XKR7: variants seen among roughly 807,000 people sequenced by gnomAD.
The protein encoded by XKR7 is XK-related protein 7.
Under a neutral mutation model 42.2 loss-of-function variants are expected in XKR7, and 11 were observed. The observed-to-expected ratio is 0.26, with a 90% CI of 0.16 to 0.43. The LOEUF (loss-of-function observed/expected upper bound fraction) is 0.43, where lower values mean the gene tolerates loss of function less well. XKR7 is among the 20% of genes least tolerant of loss of function. The pLI is 1.00. For missense variants in XKR7, 710 were observed against 802.2 expected (o/e 0.89, Z 1.39); for synonymous variants, 346 against 366.4 (o/e 0.94, Z 0.64).
Position 31,968,770 on chromosome 20 carries a change from C to A in XKR7, c.584+11C>A, listed in dbSNP as rs1241344579. The A allele has an allele frequency of 1.3e-6, 2 of 1,490,460 alleles. No individual in the cohort carries two copies. The highest frequency in any genetic ancestry group is 1.4e-5 in the African/African-American group (1 of 72,382). 92.3% of individuals were successfully genotyped at this position (1,490,460 alleles called of 1,614,324 possible). On this transcript the variant is annotated intron_variant, in intron 1 of 2. Coordinates refer to ENST00000562532, the MANE Select transcript of XKR7 (RefSeq NM_001011718.2). This position sits in a 1 kb window ranked among gnomAD's most constrained non-coding sequence, Gnocchi z 4.5. Reference sequence around the variant, plus strand: ...CGGCCAGGTCTGGAGGTAGGAGAAGCGCAGGTGGAGGGACCTGAGCCCGAG... The same window carrying A: ...CGGCCAGGTCTGGAGGTAGGAGAAGAGCAGGTGGAGGGACCTGAGCCCGAG...
At position 32,002,879 on chromosome 20, in the gene XKR7, G is replaced by T. The variant is rs1170705441; in HGVS notation, c.*5422G>T. Reference sequence around the variant, plus strand: ...TGGGACCCCACGTTGGGAATCAATGGTTTAGACATCCAGCATCCTATTTTA... The same window carrying T: ...TGGGACCCCACGTTGGGAATCAATGTTTTAGACATCCAGCATCCTATTTTA... On this transcript the variant is annotated 3_prime_UTR_variant, in exon 3 of 3. Coordinates refer to ENST00000562532, the MANE Select transcript of XKR7 (RefSeq NM_001011718.2). 1 of 152,176 alleles carries T rather than the reference G, an allele frequency of 6.6e-6. No individual in the cohort carries two copies. Among genetic ancestry groups the T allele is most frequent in the Admixed American group, 6.5e-5 (1 of 15,276 alleles). The allele number at this position is 152,176 out of a possible 1,614,324, so 9.4% of individuals were successfully genotyped here. A position where few individuals can be genotyped will look rare whatever the true frequency, so the allele number is the denominator to read the frequency against.
chr20:31,969,371 C>G (rs890893841), intron 1 of XKR7, among the ~76,000 whole-genome samples: 1 of 152,200 alleles, frequency 6.6e-6, no homozygotes, highest in Non-Finnish European at 1.5e-5. Flanking sequence ...TAAGGGTCCT[C>G]CCCTTCCAAC....
chr20:31,988,514 T>TTTGAGATGTACACTC (rs2064553388), intron 1 of XKR7, among the ~76,000 whole-genome samples: 1 of 152,130 alleles, frequency 6.6e-6, no homozygotes, highest in Non-Finnish European at 1.5e-5. Context: ...CTTGTACACT[T>TTTGAGATGTACACTC]TTGAGATGTA....
In XKR7 at chr20:31,974,729, G is replaced by A. The variant is rs77122702; in HGVS notation, c.584+5970G>A. Reference sequence around the variant, plus strand: ...CATTTTAACCCAAGTATCTCTGAATGTCTCTTTTATGACATGTCTAAGATT... The same window carrying A: ...CATTTTAACCCAAGTATCTCTGAATATCTCTTTTATGACATGTCTAAGATT... On this transcript the variant is annotated intron_variant, in intron 1 of 2. Transcript: ENST00000562532. 9.2e-5 allele frequency among the ~76,000 whole-genome samples: 14 copies of A among 152,290 alleles called. No individual in the cohort carries two copies. In the East Asian group the frequency reaches 2.7e-3, roughly 29 times the overall value.
At chr20:31,977,882 G>A (rs1447922512) in intron 1 of XKR7, among the ~76,000 whole-genome samples, 2 of 152,208 alleles carry the variant, frequency 1.3e-5, no homozygotes, top group Non-Finnish European at 2.9e-5. Flanking sequence ...AACTTTGGCA[G>A]GGATGCTGTA....
At chr20:31,992,369 A>T (rs1047598132) in intron 1 of XKR7, among the ~76,000 whole-genome samples, 6 of 152,180 alleles carry the variant, frequency 3.9e-5, no homozygotes, top group Non-Finnish European at 2.9e-5. Context: ...AATGGAAGAT[A>T]CAGGGAGACA....
In XKR7 at chr20:31,997,151, G is replaced by T; in HGVS notation, c.1434G>T (p.Arg478Ser). 6.2e-7 allele frequency: 1 copy of T among 1,611,656 alleles called. No individual in the cohort carries two copies. ...CGAGTCCCCCCAGGTCCCTGCCAAG[G>T]ACTACAGGTGCTGAGCGGGATGGGG... is the stretch of plus-strand genomic sequence containing the variant. ...AITSPPRSLP[R>S]TTGAERDGAS... Residue 478 changes from arginine to serine, a missense_variant, in exon 3 of 3, where the codon AGG becomes AGT. Physicochemically the swap from Arg to Ser is moderately radical, Grantham distance 110. This residue lies in a region of XKR7 where 708 missense variants were observed against 786.2 expected (regional missense o/e 0.90). Transcript: ENST00000562532.
chr20:31,977,633 C>G (rs1268309426), intron 1 of XKR7, among the ~76,000 whole-genome samples: 1 of 152,178 alleles, frequency 6.6e-6, no homozygotes, highest in Admixed American at 6.6e-5. Flanking sequence ...GCCCATCCTA[C>G]TTGCTTAGTA....
At position 31,996,517 on chromosome 20, in the gene XKR7, C is replaced by G. The variant is rs1322317637; in HGVS notation, c.800C>G (p.Ser267Cys). The change falls in exon 3 of 3, where the codon TCC becomes TGC. Residue 267 changes from serine (S) to cysteine (C), a missense_variant. Ser to Cys is a moderately radical substitution (Grantham distance 112). Coordinates refer to ENST00000562532, the MANE Select transcript of XKR7 (RefSeq NM_001011718.2). ...CCTGTCTCCACAGCCCTCTCCACCT[C>G]CGCCTCCCTCGTGTCTCTGGCCTGG... ...APDLLPALST[S>C]ASLVSLAWTL... The G allele has an allele frequency of 6.8e-7, 1 of 1,473,088 alleles. No homozygotes were observed. Among genetic ancestry groups the G allele is most frequent in the Admixed American group, 2.5e-5 (1 of 40,710 alleles). The allele number at this position is 1,473,088 out of a possible 1,614,324, so 91.3% of individuals were successfully genotyped here.
At chr20:31,977,014 G>T (rs945387629) in intron 1 of XKR7, among the ~76,000 whole-genome samples, 3 of 152,218 alleles carry the variant, frequency 2.0e-5, no homozygotes, top group Non-Finnish European at 2.9e-5. Flanking sequence ...AGTTGAAGCT[G>T]GCATTTGGCA....
rs548291546 is a variant in XKR7 at position 31,998,807 on chromosome 20, T to A, written c.*1350T>A. ...GCAAATGGGGCTCCCTGGAGCGGCA[T>A]CTGGGAAACTGACTTGTTTTGCCTT... On this transcript the variant is annotated 3_prime_UTR_variant, in exon 3 of 3. Coordinates refer to ENST00000562532, the MANE Select transcript of XKR7 (RefSeq NM_001011718.2). 4 of 152,270 alleles carry A rather than the reference T, an allele frequency of 2.6e-5. No individual in the cohort carries two copies. In the East Asian group the frequency reaches 7.7e-4, roughly 29 times the overall value. 9.4% of individuals were successfully genotyped at this position (152,270 alleles called of 1,614,324 possible).
intron 1 of XKR7, among the ~76,000 whole-genome samples, chr20:31,984,837 G>A (rs80193447): frequency 0.037 from 5,688 of 152,256 alleles, 132 homozygotes; most frequent in African/African-American, 0.061. Context: ...TCCCTGCTCT[G>A]GCTCAGGAGG....
rs1475184978 is a variant in XKR7 at position 32,003,229 on chromosome 20, CT to C, written c.*5773del. 4 of 152,334 alleles carry C rather than the reference CT, an allele frequency of 2.6e-5. No individual in the cohort carries two copies. Among genetic ancestry groups the C allele is most frequent in the Admixed American group, 6.5e-5 (1 of 15,296 alleles). The allele number at this position is 152,334 out of a possible 1,614,324, so 9.4% of individuals were successfully genotyped here. ...TACATCTGTGCCATCCCTCATCCCC[CT>C]GACCCCCATTCACCCTCCGAGCTTC... On this transcript the variant is annotated 3_prime_UTR_variant, in exon 3 of 3. Transcript: ENST00000562532.
chr20:31,995,039 G>C lies in XKR7; in HGVS notation c.585-29G>C. The C allele has an allele frequency of 6.5e-7, 1 of 1,539,608 alleles. No homozygotes were observed. The highest frequency in any genetic ancestry group is 8.7e-7 in the Non-Finnish European group (1 of 1,145,188). On this transcript the variant is annotated intron_variant, in intron 1 of 2. Transcript: ENST00000562532. This position sits in a 1 kb window ranked among gnomAD's most constrained non-coding sequence, Gnocchi z 4.1. ...ACAGAGCGAGAGGAACCAGCGCGCG[G>C]GAGCCTGAGCACCGCGTCCTTCCCG...
At chr20:31,987,313 G>A (rs1296322796) in intron 1 of XKR7, among the ~76,000 whole-genome samples, 6 of 144,664 alleles carry the variant, frequency 4.1e-5, no homozygotes, top group African/African-American at 1.6e-4. Context: ...AACAGATCCA[G>A]TATCCAAGGC....
At chr20:31,972,929 T>C (rs1426650524) in intron 1 of XKR7, among the ~76,000 whole-genome samples, 2 of 152,216 alleles carry the variant, frequency 1.3e-5, no homozygotes, top group Non-Finnish European at 2.9e-5. Context: ...GGCATAACGG[T>C]TGAGAGGGTT....
Position 32,003,362 on chromosome 20 carries a change from A to C in XKR7, c.*5905A>C, listed in dbSNP as rs2064634420. On this transcript the variant is annotated 3_prime_UTR_variant, in exon 3 of 3. Coordinates refer to ENST00000562532, the MANE Select transcript of XKR7 (RefSeq NM_001011718.2). ...ATTTTTAATTTTGCTGCGACATGAG[A>C]TATTAAAAGTCATTTCAGTACGTGC... 6.6e-6 allele frequency: 1 copy of C among 152,228 alleles called. No homozygotes were observed. Among genetic ancestry groups the C allele is most frequent in the East Asian group, 1.9e-4 (1 of 5,174 alleles). 9.4% of individuals were successfully genotyped at this position (152,228 alleles called of 1,614,324 possible).
In XKR7 at chr20:31,968,218, G is replaced by A. The variant is rs1039521820; in HGVS notation, c.43G>A (p.Asp15Asn). The stretch of plus-strand genomic sequence containing the variant: ...TGGAGCGGCGGCCTCGGCCAGCCCG[G>A]ACCCGGAGGGGGCTGCCGGTGGAGC... Reference protein sequence around the residue: ...SDGAAASASPDPEGAAGGARG... With the variant: ...SDGAAASASPNPEGAAGGARG... The change falls in exon 1 of 3, where the codon GAC (aspartate) becomes AAC (asparagine). Residue 15 changes from aspartate (D) to asparagine (N), a missense_variant. By Grantham distance (23) the Asp-to-Asn change is conservative (BLOSUM62 1). Around this residue, in one of 2 missense-constraint regions of XKR7, gnomAD observed 708 missense variants for 786.2 expected, o/e 0.90. Coordinates refer to ENST00000562532, the MANE Select transcript of XKR7 (RefSeq NM_001011718.2). This position sits in a 1 kb window ranked among gnomAD's most constrained non-coding sequence, Gnocchi z 4.5. 8 of 1,163,942 alleles carry A rather than the reference G, an allele frequency of 6.9e-6. No homozygotes were observed. The African/African-American group carries it at 9.7e-5, about 14-fold the overall frequency. 72.1% of individuals were successfully genotyped at this position (1,163,942 alleles called of 1,614,324 possible). A position where few individuals can be genotyped will look rare whatever the true frequency, so the allele number is the denominator to read the frequency against.
chr20:31,980,375 C>T (rs1460504634), intron 1 of XKR7, among the ~76,000 whole-genome samples: 1 of 152,206 alleles, frequency 6.6e-6, no homozygotes, highest in East Asian at 1.9e-4. Context: ...GGGCCATCCC[C>T]CCAACCCCCC....
Sources: gnomAD v4.1 joint callset for allele counts (sites outside exome capture counted in the v4.1 genomes callset) on GRCh38, gnomAD v4.1.1 for gene constraint, gnomAD v4.1.1 regional missense constraint, Gnocchi (gnomAD v3.1) non-coding constraint, MANE v1.5 for transcripts, NCBI Gene and HGNC (gene_info 2026-07-23, HGNC 2026-07-21) for gene names.